The following BCKDHB variants were observed in gnomAD, a reference collection of about 807,000 sequenced individuals.
BCKDHB encodes the protein branched chain keto acid dehydrogenase E1 subunit beta.
Under a neutral mutation model 48.5 loss-of-function variants are expected in BCKDHB, and 41 were observed. That is an observed-to-expected ratio of 0.85 (90% CI 0.66 to 1.10). The LOEUF (loss-of-function observed/expected upper bound fraction) is 1.10. Ranked by LOEUF, BCKDHB falls within the 50% of genes least tolerant of loss-of-function variation. The pLI, the probability that BCKDHB is intolerant of heterozygous loss-of-function variation, is 0.00. For synonymous variants in BCKDHB, 201 were observed against 174.8 expected, an observed-to-expected ratio of 1.15 and a Z score of -1.18; for missense variants, 496 against 494.2, an observed-to-expected ratio of 1.00 and a Z score of -0.03.
the BCKDHB span, among the ~76,000 whole-genome samples, chr6:80,411,196 G>A: frequency 5.9e-5 from 9 of 152,290 alleles, no homozygotes; most frequent in African/African-American, 2.2e-4. Flanking sequence ...CCTTCTAACA[G>A]GCCCCTCAGC....
At chr6:80,224,186 G>A (rs1255065318) in intron 8 of BCKDHB, among the ~76,000 whole-genome samples, 2 of 152,044 alleles carry the variant, frequency 1.3e-5, no homozygotes, top group Non-Finnish European at 2.9e-5. Context: ...CAGTGGCTCC[G>A]TTTAGGGTGC....
intron 9 of BCKDHB, among the ~76,000 whole-genome samples, chr6:80,292,596 T>C (rs1766986821): frequency 6.6e-6 from 1 of 152,002 alleles, no homozygotes; most frequent in Non-Finnish European, 1.5e-5. Context: ...AACCATATCA[T>C]TCCACCCCAG....
intron 8 of BCKDHB, among the ~76,000 whole-genome samples, chr6:80,269,104 C>G (rs1582473656): frequency 6.6e-6 from 1 of 152,036 alleles, no homozygotes; most frequent in South Asian, 2.1e-4. Flanking sequence ...CTACAATGTT[C>G]AGAGCACTGT....
At chr6:80,336,486 C>A (rs1441451595) in intron 9 of BCKDHB, among the ~76,000 whole-genome samples, 343 of 134,568 alleles carry the variant, frequency 2.5e-3, no homozygotes, top group Non-Finnish European at 3.0e-3. Context: ...GAAATCTTAG[C>A]AAAAAAAACC....
At chr6:80,264,630 A>T (rs374284207) in intron 8 of BCKDHB, among the ~76,000 whole-genome samples, 8 of 152,170 alleles carry the variant, frequency 5.3e-5, no homozygotes, top group African/African-American at 1.7e-4. Context: ...AGGATGTGTG[A>T]CATTGATGAT....
intron 9 of BCKDHB, among the ~76,000 whole-genome samples, chr6:80,292,421 C>T (rs1222023098): frequency 6.6e-6 from 1 of 151,102 alleles, no homozygotes; most frequent in East Asian, 2.0e-4. Flanking sequence ...TAGGGAAACT[C>T]CTCTTTATAA....
At chr6:80,444,755 C>T in the BCKDHB span, among the ~76,000 whole-genome samples, 1 of 152,098 alleles carries the variant, frequency 6.6e-6, no homozygotes, top group Non-Finnish European at 1.5e-5. Context: ...CACCATAACA[C>T]CTAGTTTTTC....
At chr6:80,454,214 A>AGCTACAGGTAATT in the BCKDHB span, 2 of 152,186 alleles carry the variant, frequency 1.3e-5, no homozygotes, top group Admixed American at 6.5e-5. Flanking sequence ...TAATTTTGAG[A>AGCTACAGGTAATT]AGCAGAGCTA....
chr6:80,179,904 A>G (rs753536327), intron 6 of BCKDHB, among the ~76,000 whole-genome samples: 38 of 152,130 alleles, frequency 2.5e-4, no homozygotes, highest in Non-Finnish European at 5.1e-4. Flanking sequence ...CATTTGGGCA[A>G]GAAGAGATGA....
At chr6:80,247,250 C>G (rs1776655516) in intron 8 of BCKDHB, among the ~76,000 whole-genome samples, 1 of 152,224 alleles carries the variant, frequency 6.6e-6, no homozygotes, top group Admixed American at 6.5e-5. Flanking sequence ...TTGGCTGTAT[C>G]TGTCTGTCTC....
At chr6:80,432,047 T>C in the BCKDHB span, among the ~76,000 whole-genome samples, 1 of 151,824 alleles carries the variant, frequency 6.6e-6, no homozygotes, top group Non-Finnish European at 1.5e-5. Flanking sequence ...TTGCAGGGTT[T>C]CTGCAGAGAG....
intron 9 of BCKDHB, chr6:80,307,453 A>G (rs892763129): frequency 1.1e-5 from 11 of 985,168 alleles, no homozygotes; most frequent in Admixed American, 6.2e-5. Flanking sequence ...TGTGCTTCAC[A>G]GTGCTAATGA....
At chr6:80,397,047 G>A in the BCKDHB span, among the ~76,000 whole-genome samples, 14 of 152,136 alleles carry the variant, frequency 9.2e-5, no homozygotes, top group Admixed American at 3.3e-4. Context: ...TGCACCCCCC[G>A]CTTACCTGTG....
At chr6:80,281,307 T>C (rs981160904) in intron 9 of BCKDHB, among the ~76,000 whole-genome samples, 1 of 152,054 alleles carries the variant, frequency 6.6e-6, no homozygotes, top group African/African-American at 2.4e-5. Context: ...AAGGAAGTTA[T>C]GAAGCAGAGT....
chr6:80,427,791 G>A, the BCKDHB span, among the ~76,000 whole-genome samples: 1 of 151,962 alleles, frequency 6.6e-6, no homozygotes, highest in African/African-American at 2.4e-5. Context: ...ACTGTGTTCT[G>A]CTTGCCTACT....
At chr6:80,205,583 C>T (rs1010580494) in intron 8 of BCKDHB, among the ~76,000 whole-genome samples, 10 of 151,962 alleles carry the variant, frequency 6.6e-5, no homozygotes, top group African/African-American at 1.9e-4. Context: ...AATATTTGCT[C>T]GGGGATAGAG....
chr6:80,409,994 G>T, the BCKDHB span, among the ~76,000 whole-genome samples: 262 of 152,194 alleles, frequency 1.7e-3, no homozygotes, highest in African/African-American at 5.9e-3. Context: ...TCACTATGAT[G>T]TTAGCTGGTT....
At chr6:80,368,409 T>G in the BCKDHB span, among the ~76,000 whole-genome samples, 3 of 152,246 alleles carry the variant, frequency 2.0e-5, no homozygotes, top group Admixed American at 2.0e-4. Flanking sequence ...AGAGTCAGCC[T>G]AGATCATTCA....
intron 8 of BCKDHB, among the ~76,000 whole-genome samples, chr6:80,255,485 C>T (rs1234625070): frequency 6.6e-6 from 1 of 151,988 alleles, no homozygotes; most frequent in Non-Finnish European, 1.5e-5. Context: ...AAAAATTCAT[C>T]AACACCTGTG....
Sources: gnomAD v4.1 joint callset for allele counts (sites outside exome capture counted in the v4.1 genomes callset) on GRCh38, gnomAD v4.1.1 for gene constraint, MANE v1.5 for transcripts, NCBI Gene and HGNC (gene_info 2026-07-23, HGNC 2026-07-21) for gene names.